LUC7L2: variants seen among roughly 807,000 people sequenced by gnomAD.
LUC7L2 encodes LUC7 like 2, pre-mRNA splicing factor.
Under a neutral mutation model 52.8 loss-of-function variants are expected in LUC7L2, and 25 were observed. The observed-to-expected ratio is 0.47, with a 90% CI of 0.34 to 0.66. LUC7L2 has a LOEUF of 0.66. LUC7L2 is among the 30% of genes least tolerant of loss of function. The probability of loss-of-function intolerance (pLI) is 0.01; values close to 1 mark genes in which losing one functional copy is unlikely to be tolerated. For missense variants in LUC7L2, 328 were observed against 497.8 expected (o/e 0.66, Z 3.25); for synonymous variants, 144 against 160.9 (o/e 0.89, Z 0.80).
intron 3 of LUC7L2, among the ~76,000 whole-genome samples, chr7:139,401,602 A>G (rs369381190): frequency 6.6e-6 from 1 of 150,854 alleles, no homozygotes; most frequent in South Asian, 2.1e-4. Flanking sequence ...ACAGGCGCGC[A>G]CTACCATGCC....
intron 2 of LUC7L2, among the ~76,000 whole-genome samples, chr7:139,395,668 T>C (rs1013755866): frequency 2.0e-5 from 3 of 152,148 alleles, no homozygotes; most frequent in African/African-American, 7.2e-5. Flanking sequence ...TGAGACAGGG[T>C]CTAGCTCTGT....
intron 2 of LUC7L2, among the ~76,000 whole-genome samples, chr7:139,379,822 T>C (rs530215648): frequency 2.2e-4 from 34 of 152,118 alleles, no homozygotes; most frequent in Non-Finnish European, 4.9e-4. Flanking sequence ...TGCCTCGGCC[T>C]CCTAAAGTGC....
At chr7:139,359,677 T>A, upstream of LUC7L2, 1 of 397,094 alleles carries the variant, frequency 2.5e-6, no homozygotes, top group Non-Finnish European at 4.4e-6. Context: ...GGGAATGTAA[T>A]GTAAGGTTTG....
In LUC7L2 at chr7:139,422,425, GAGCAGATCCAGAC is replaced by G. The variant is rs1795947674; in HGVS notation, c.*87_*99del. 3 of 1,505,876 alleles carry G rather than the reference GAGCAGATCCAGAC, an allele frequency of 2.0e-6. No homozygotes were observed. The highest frequency in any genetic ancestry group is 2.7e-6 in the Non-Finnish European group (3 of 1,129,310). 93.3% of individuals were successfully genotyped at this position (1,505,876 alleles called of 1,614,324 possible). A position where few individuals can be genotyped will look rare whatever the true frequency, so the allele number is the denominator to read the frequency against. Reference sequence around the variant, plus strand: ...GTTCACAGCTGTTCAGGGTGACAGTGAGCAGATCCAGACACCAGATCCAGCTAGGCTAGATGTA... The same window carrying G: ...GTTCACAGCTGTTCAGGGTGACAGTGACCAGATCCAGCTAGGCTAGATGTA... On this transcript the variant is annotated 3_prime_UTR_variant, in exon 10 of 10. Transcript: ENST00000354926.
At chr7:139,343,925 C>CA (rs370854113) in intron 1 of LUC7L2, among the ~76,000 whole-genome samples, 32,103 of 125,664 alleles carry the variant, frequency 0.26, 5,305 homozygotes, top group African/African-American at 0.5. Flanking sequence ...GACCCTGTCC[C>CA]CAAAAAAAAA....
At chr7:139,397,929 A>G (rs989215827) in intron 2 of LUC7L2, among the ~76,000 whole-genome samples, 12 of 152,180 alleles carry the variant, frequency 7.9e-5, no homozygotes, top group Non-Finnish European at 8.8e-5. Flanking sequence ...CTTACTAGTA[A>G]ATCACCTCTT....
chr7:139,396,664 T>C (rs1452527684), intron 2 of LUC7L2, among the ~76,000 whole-genome samples: 1 of 152,214 alleles, frequency 6.6e-6, no homozygotes, highest in Non-Finnish European at 1.5e-5. Context: ...CCTTTTGAAA[T>C]GTGTTAGTAC....
intron 1 of LUC7L2, among the ~76,000 whole-genome samples, chr7:139,343,171 C>T (rs1799086501): frequency 6.6e-6 from 1 of 152,156 alleles, no homozygotes; most frequent in African/African-American, 2.4e-5. Context: ...ACCTAGAATT[C>T]CCATGTCAAA....
chr7:139,365,446 AGTGTTCAAC>A (rs1484260204), intron 1 of LUC7L2, among the ~76,000 whole-genome samples: 3 of 152,170 alleles, frequency 2.0e-5, no homozygotes, highest in Non-Finnish European at 2.9e-5. Flanking sequence ...GATAGATGGT[AGTGTTCAAC>A]GTGTTCAAGA....
At chr7:139,409,890 A>T (rs879858172) in intron 7 of LUC7L2, among the ~76,000 whole-genome samples, 3 of 152,322 alleles carry the variant, frequency 2.0e-5, no homozygotes, top group Admixed American at 1.3e-4. Flanking sequence ...GTGAATAAAG[A>T]ATGCTTCGTA....
intron 1 of LUC7L2, chr7:139,375,417 A>C (rs765997516): frequency 1.0e-6 from 1 of 985,240 alleles, no homozygotes; most frequent in Non-Finnish European, 1.2e-6. Context: ...TCATTAGGCA[A>C]TGTGCCTTTG....
At chr7:139,374,753 C>T (rs1424177108) in intron 1 of LUC7L2, 9 of 1,219,792 alleles carry the variant, frequency 7.4e-6, no homozygotes, top group Non-Finnish European at 8.2e-6. Flanking sequence ...TCTTTAACCA[C>T]GTTAAAACAA....
intron 1 of LUC7L2, chr7:139,340,677 G>A (rs761566902): frequency 1.5e-5 from 6 of 394,670 alleles, no homozygotes; most frequent in Admixed American, 4.4e-5. Flanking sequence ...TGAATATGTT[G>A]TGTGAGCGCG....
intron 9 of LUC7L2, among the ~76,000 whole-genome samples, chr7:139,418,123 T>G (rs1234932929): frequency 2.0e-5 from 3 of 152,246 alleles, no homozygotes; most frequent in Non-Finnish European, 4.4e-5. Context: ...CTAAACTTAT[T>G]TGAGCTGGGA....
intron 4 of LUC7L2, among the ~76,000 whole-genome samples, chr7:139,402,773 C>T (rs919671895): frequency 6.6e-6 from 1 of 152,220 alleles, no homozygotes; most frequent in East Asian, 1.9e-4. Context: ...ATCTACCCAC[C>T]TTGGCCTCCC....
At chr7:139,393,746 A>G (rs1794544633) in intron 2 of LUC7L2, among the ~76,000 whole-genome samples, 1 of 152,154 alleles carries the variant, frequency 6.6e-6, no homozygotes, top group Admixed American at 6.6e-5. Context: ...ACACCTGACC[A>G]TGTTTTAAAT....
At chr7:139,341,866 G>A (rs1475084450) in intron 1 of LUC7L2, among the ~76,000 whole-genome samples, 1 of 152,218 alleles carries the variant, frequency 6.6e-6, no homozygotes. Context: ...ATAAAACAAT[G>A]AAGATGGAGT....
chr7:139,413,085 C>G (rs1007927051), intron 8 of LUC7L2, among the ~76,000 whole-genome samples: 1 of 152,062 alleles, frequency 6.6e-6, no homozygotes, highest in Non-Finnish European at 1.5e-5. Flanking sequence ...TTACCCATTC[C>G]TTTATACAGT....
At chr7:139,409,738 GATAA>G in intron 7 of LUC7L2, 84 bp downstream of exon 7, 1 of 1,443,350 alleles carries the variant, frequency 6.9e-7, no homozygotes, top group Non-Finnish European at 9.1e-7. Flanking sequence ...TTTAGATGGT[GATAA>G]ATCTGTTATG....
Sources: gnomAD v4.1 joint callset for allele counts (sites outside exome capture counted in the v4.1 genomes callset) on GRCh38, gnomAD v4.1.1 for gene constraint, MANE v1.5 for transcripts, NCBI Gene and HGNC (gene_info 2026-07-23, HGNC 2026-07-21) for gene names.